Variants in ASPH observed in about 807,000 individuals in gnomAD.
ASPH encodes the protein aspartate beta-hydroxylase.
A neutral mutation model predicts 118.4 loss-of-function variants in ASPH; 100 were observed. The observed-to-expected ratio is 0.84, with a 90% CI of 0.72 to 1.00. The LOEUF (loss-of-function observed/expected upper bound fraction) is 1.00, where lower values mean the gene tolerates loss of function less well. Among genes scored for constraint, ASPH ranks in the 50% least tolerant of loss-of-function variants. ASPH has a pLI of 0.00. For missense variants in ASPH, 920 were observed against 919.5 expected (o/e 1.00, Z -0.01); for synonymous variants, 315 against 325.6 (o/e 0.97, Z 0.35).
chr8:61,682,302 C>A (rs1305845797), intron 2 of ASPH: 2 of 819,264 alleles, frequency 2.4e-6, no homozygotes, highest in South Asian at 1.8e-5. Context: ...AAAATACTAC[C>A]CTTTCTGACA....
At chr8:61,661,257 A>C (rs1361995147) in intron 3 of ASPH, 1 of 152,222 alleles carries the variant, frequency 6.6e-6, no homozygotes, top group African/African-American at 2.4e-5. Flanking sequence ...AGGAATAGGA[A>C]GCACAGTTTC....
At chr8:61,521,832 G>C (rs75102168) in intron 22 of ASPH, among the ~76,000 whole-genome samples, 13,442 of 152,226 alleles carry the variant, frequency 0.088, 669 homozygotes, top group Non-Finnish European at 0.12. Context: ...GGCTATTCAT[G>C]GAACTGATAT....
intron 3 of ASPH, among the ~76,000 whole-genome samples, chr8:61,669,585 AAAGTTT>A (rs1821384283): frequency 6.6e-6 from 1 of 152,190 alleles, no homozygotes; most frequent in African/African-American, 2.4e-5. Flanking sequence ...ACTCTCCACT[AAAGTTT>A]ATTTCAGAAT....
rs558048879 is a variant in ASPH, at chr8:61,686,053, G to A, written c.104-1865C>T. 8.5e-5 allele frequency among the ~76,000 whole-genome samples: 13 copies of A among 152,204 alleles called. No homozygotes were observed. The East Asian group carries it at 1.9e-3, about 23-fold the overall frequency. On this transcript the variant is annotated intron_variant, in intron 1 of 24. Coordinates refer to ENST00000379454, the MANE Select transcript of ASPH (RefSeq NM_004318.4). ...CAAAGTGCTGGGTAATTCTTAAAAC[G>A]TCAAGTAATTCCTTTTTCTGACATT...
At chr8:61,612,033 A>C (rs1847550672) in intron 14 of ASPH, among the ~76,000 whole-genome samples, 1 of 151,468 alleles carries the variant, frequency 6.6e-6, no homozygotes, top group African/African-American at 2.4e-5. Flanking sequence ...GTCTCAGGAA[A>C]AAAAAAAAAA....
At chr8:61,695,880 T>C (rs1033213965) in intron 1 of ASPH, among the ~76,000 whole-genome samples, 3 of 152,222 alleles carry the variant, frequency 2.0e-5, no homozygotes, top group African/African-American at 7.2e-5. Context: ...GAGCAACTTA[T>C]TGCTTAGTTG....
At chr8:61,708,961 A>T (rs150432640) in intron 1 of ASPH, among the ~76,000 whole-genome samples, 27 of 150,404 alleles carry the variant, frequency 1.8e-4, no homozygotes, top group African/African-American at 6.4e-4. Flanking sequence ...GATGACAGTC[A>T]CATGACTAGG....
In ASPH at chr8:61,580,390, C is replaced by T. The variant is rs777395601; in HGVS notation, c.1063-3532G>A. Among the ~76,000 whole-genome samples, 7 of 152,236 alleles carry T rather than the reference C, an allele frequency of 4.6e-5. No homozygotes were observed. In the East Asian group the frequency reaches 1.3e-3, roughly 29 times the overall value. ...GCTTGGACATCCAGGCAATTCAATA[C>T]ACGTCCTCTGAAATCTAGGCAGAGG... is the stretch of plus-strand genomic sequence containing the variant. On this transcript the variant is annotated intron_variant, in intron 15 of 24. Coordinates refer to ENST00000379454, the MANE Select transcript of ASPH (RefSeq NM_004318.4).
intron 14 of ASPH, among the ~76,000 whole-genome samples, chr8:61,617,510 G>C (rs1413353826): frequency 1.3e-5 from 2 of 152,188 alleles, no homozygotes; most frequent in East Asian, 1.9e-4. Context: ...CGGAGAGCTT[G>C]TGAGAGTATG....
intron 3 of ASPH, among the ~76,000 whole-genome samples, chr8:61,667,359 T>C (rs1239150891): frequency 6.6e-6 from 1 of 152,060 alleles, no homozygotes; most frequent in African/African-American, 2.4e-5. Context: ...ACAGGTATAA[T>C]AACTTATTTA....
At position 61,550,442 on chromosome 8, in the gene ASPH, T is replaced by TACACACACACACACACACACACACACAC. The variant is rs34577657; in HGVS notation, c.1627-2235_1627-2234insGTGTGTGTGTGTGTGTGTGTGTGTGTGT. Among the ~76,000 whole-genome samples the TACACACACACACACACACACACACACAC allele has an allele frequency of 5.6e-4, 82 of 147,672 alleles. 1 individual carries two copies. Among genetic ancestry groups the TACACACACACACACACACACACACACAC allele is most frequent in the Non-Finnish European group, 8.4e-4 (56 of 66,670 alleles). ...TGTATGGTTTTTATGCACATGTACA[T>TACACACACACACACACACACACACACAC]ACACACACACACACACACACACACA... On this transcript the variant is annotated intron_variant, in intron 20 of 24. Coordinates refer to ENST00000379454, the MANE Select transcript of ASPH (RefSeq NM_004318.4).
intron 1 of ASPH, among the ~76,000 whole-genome samples, chr8:61,700,067 A>C (rs1229428977): frequency 1.3e-5 from 2 of 152,222 alleles, no homozygotes; most frequent in African/African-American, 4.8e-5. Context: ...CTGACACACA[A>C]TGGGCTCCCA....
chr8:61,602,802 T>G (rs767472558), intron 14 of ASPH, among the ~76,000 whole-genome samples: 15 of 146,506 alleles, frequency 1.0e-4, no homozygotes, highest in South Asian at 2.1e-4. Context: ...TCAAACTGTA[T>G]GCTTTAGGTG....
intron 1 of ASPH, among the ~76,000 whole-genome samples, chr8:61,714,042 C>T (rs1157861484): frequency 6.6e-6 from 1 of 152,258 alleles, no homozygotes; most frequent in Non-Finnish European, 1.5e-5. Context: ...AGGGGCTCCC[C>T]GAGACTAGCA....
chr8:61,600,985 T>C (rs887563668), intron 14 of ASPH, among the ~76,000 whole-genome samples: 38 of 151,482 alleles, frequency 2.5e-4, no homozygotes, highest in African/African-American at 2.4e-5. Context: ...CCAAAGAATA[T>C]TCTCAATGAT....
At chr8:61,602,350 A>T (rs1045115184) in intron 14 of ASPH, among the ~76,000 whole-genome samples, 3 of 151,494 alleles carry the variant, frequency 2.0e-5, no homozygotes, top group Admixed American at 6.6e-5. Flanking sequence ...AAATGAAAAA[A>T]ATATGATCAT....
chr8:61,544,112 A>G lies in ASPH; in HGVS notation c.1764+3959T>C, dbSNP rs1464163062. On this transcript the variant is annotated intron_variant, in intron 21 of 24. Transcript: ENST00000379454. ...TAGTGCCTGGAAAGCTATGGTTTTC[A>G]CTGCTCTAGTGTTTTGAGATTGCCA... 5.9e-5 allele frequency among the ~76,000 whole-genome samples: 9 copies of G among 152,330 alleles called. No individual in the cohort carries two copies. The South Asian group carries it at 1.9e-3, about 32-fold the overall frequency.
chr8:61,586,919 G>A (rs184554877), intron 14 of ASPH, among the ~76,000 whole-genome samples: 2 of 152,244 alleles, frequency 1.3e-5, no homozygotes, highest in Non-Finnish European at 2.9e-5. Context: ...GAGAACATTC[G>A]TGCTGAGCGG....
chr8:61,587,370 T>C (rs1481132478), intron 14 of ASPH, among the ~76,000 whole-genome samples: 5 of 152,220 alleles, frequency 3.3e-5, no homozygotes, highest in Non-Finnish European at 5.9e-5. Flanking sequence ...CACAGACTTA[T>C]GTCTCCCAAT....
Sources: allele counts gnomAD v4.1 joint callset (sites outside exome capture counted in the v4.1 genomes callset), GRCh38; gene constraint gnomAD v4.1.1; transcripts MANE v1.5; gene names NCBI Gene and HGNC (gene_info 2026-07-23, HGNC 2026-07-21).